Variants in RPH3AL observed in about 807,000 individuals in gnomAD.
RPH3AL encodes the protein rab effector Noc2.
In RPH3AL, 38 loss-of-function variants were observed where a neutral mutation model predicts 43.1. The ratio of observed to expected loss-of-function variants is 0.88; its 90% CI spans 0.68 to 1.15. The LOEUF is 1.15. RPH3AL is among the 50% of genes most tolerant of loss of function. RPH3AL has a pLI of 0.00. For missense variants in RPH3AL, 462 were observed against 423.2 expected (o/e 1.09, Z -0.81); for synonymous variants, 189 against 176.3 (o/e 1.07, Z -0.57).
chr17:224,206 G>A (rs2041056642), intron 7 of RPH3AL, among the ~76,000 whole-genome samples: 1 of 147,560 alleles, frequency 6.8e-6, no homozygotes, highest in South Asian at 2.1e-4. Context: ...GCACAGCCAG[G>A]GGATGCTCCA....
intron 1 of RPH3AL, among the ~76,000 whole-genome samples, chr17:348,239 A>T (rs2045281819): frequency 6.6e-6 from 1 of 152,180 alleles, no homozygotes; most frequent in African/African-American, 2.4e-5. Flanking sequence ...TGGGCGTGGA[A>T]CAGGAAGGAT....
chr17:305,106 GA>G lies in RPH3AL; in HGVS notation c.351+14313del, dbSNP rs1313831813. Among the ~76,000 whole-genome samples, 19 of 64,954 alleles carry G rather than the reference GA, an allele frequency of 2.9e-4. 1 individual carries two copies. The highest frequency in any genetic ancestry group is 7.0e-4 in the African/African-American group (12 of 17,254). 42.6% of individuals were successfully genotyped at this position (64,954 alleles called of 152,430 possible). On this transcript the variant is annotated intron_variant, in intron 5 of 9. Transcript: ENST00000331302. The stretch of plus-strand genomic sequence containing the variant: ...GGACAGGGCGGGAGGGGGACAGGGC[GA>G]GAGGGGACAGGGCGAGAGGGGGACA...
Position 332,138 on chromosome 17 carries a change from G to T in RPH3AL, c.-37+1621C>A, listed in dbSNP as rs185548032. The T allele has an allele frequency of 7.6e-4, 264 of 345,544 alleles. 2 individuals are homozygous for T. Among genetic ancestry groups the T allele is most frequent in the African/African-American group, 5.4e-3 (250 of 46,582 alleles). 21.4% of individuals were successfully genotyped at this position (345,544 alleles called of 1,614,324 possible). On this transcript the variant is annotated intron_variant, in intron 2 of 9. Coordinates refer to ENST00000331302, the MANE Select transcript of RPH3AL (RefSeq NM_006987.4). ...GACAGGGCTGGTGGAGCTCTGCGGG[G>T]AGCAGACACAGGAGGTTCTGTGGAC...
At position 323,525 on chromosome 17, in the gene RPH3AL, G is replaced by C. The variant is rs925984539; in HGVS notation, c.78-2110C>G. 6.6e-6 allele frequency among the ~76,000 whole-genome samples: 1 copy of C among 152,346 alleles called. No individual in the cohort carries two copies. Among genetic ancestry groups the C allele is most frequent in the African/African-American group, 2.4e-5 (1 of 41,580 alleles). On this transcript the variant is annotated intron_variant, in intron 3 of 9. Transcript: ENST00000331302. This position sits in a 1 kb window ranked among gnomAD's most constrained non-coding sequence, Gnocchi z 4.4. ...CATTTCGGAGGCTCCAGGGGTCAGT[G>C]ATGGGCCAGGACACACTTCGTGTGG...
At chr17:292,850 T>A (rs2151624539) in intron 5 of RPH3AL, among the ~76,000 whole-genome samples, 1 of 152,330 alleles carries the variant, frequency 6.6e-6, no homozygotes, top group Non-Finnish European at 1.5e-5. Flanking sequence ...GCCCTGGACC[T>A]TACCCCGACT....
intron 5 of RPH3AL, among the ~76,000 whole-genome samples, chr17:308,848 C>T (rs1382910353): frequency 6.6e-6 from 1 of 152,202 alleles, no homozygotes; most frequent in Non-Finnish European, 1.5e-5. Context: ...CCAGGAGCAG[C>T]TCTCTGTAAA....
At chr17:337,498 C>G (rs907008872) in intron 1 of RPH3AL, among the ~76,000 whole-genome samples, 11 of 152,220 alleles carry the variant, frequency 7.2e-5, no homozygotes, top group African/African-American at 2.7e-4. Context: ...CACACGGGCT[C>G]TCTACGGACC....
rs1358822522 is a variant in RPH3AL at position 216,193 on chromosome 17, G to A, written c.728-391C>T. Among the ~76,000 whole-genome samples, 51 of 101,364 alleles carry A rather than the reference G, an allele frequency of 5.0e-4. No individual in the cohort carries two copies. In the South Asian group the frequency reaches 0.01, roughly 20 times the overall value. 66.5% of individuals were successfully genotyped at this position (101,364 alleles called of 152,430 possible). A position where few individuals can be genotyped will look rare whatever the true frequency, so the allele number is the denominator to read the frequency against. Reference sequence around the variant, plus strand: ...GCCTGACCTCACCCACATGGCTGCCGGGCTCTGGCCTGACCCCACCCACAT... The same window carrying A: ...GCCTGACCTCACCCACATGGCTGCCAGGCTCTGGCCTGACCCCACCCACAT... On this transcript the variant is annotated intron_variant, in intron 8 of 9. Coordinates refer to ENST00000331302, the MANE Select transcript of RPH3AL (RefSeq NM_006987.4).
chr17:293,831 C>G (rs1285376361), intron 5 of RPH3AL, among the ~76,000 whole-genome samples: 1 of 152,126 alleles, frequency 6.6e-6, no homozygotes, highest in African/African-American at 2.4e-5. Flanking sequence ...GAGTTCAACA[C>G]CAACCTGGCC....
At chr17:260,759 C>T (rs1168779763) in intron 6 of RPH3AL, among the ~76,000 whole-genome samples, 2 of 152,014 alleles carry the variant, frequency 1.3e-5, no homozygotes, top group African/African-American at 2.4e-5. Context: ...TAAACAAGTC[C>T]GCAGCAGGCC....
At chr17:255,858 G>A (rs532239557) in intron 6 of RPH3AL, among the ~76,000 whole-genome samples, 6 of 56,286 alleles carry the variant, frequency 1.1e-4, no homozygotes, top group African/African-American at 3.1e-4. Flanking sequence ...GGAGCCGCAC[G>A]GCGTCTGTCC....
At position 322,792 on chromosome 17, in the gene RPH3AL, C is replaced by T. The variant is rs764933248; in HGVS notation, c.78-1377G>A. ...GCAGCTAACGGTTCTCTGTGGCCGA[C>T]ACAATAGGAGTTTGGAAAGCTAATA... On this transcript the variant is annotated intron_variant, in intron 3 of 9. Coordinates refer to ENST00000331302, the MANE Select transcript of RPH3AL (RefSeq NM_006987.4). This position sits in a 1 kb window ranked among gnomAD's most constrained non-coding sequence, Gnocchi z 4.0. Among the ~76,000 whole-genome samples, 69 of 152,078 alleles carry T rather than the reference C, an allele frequency of 4.5e-4. No homozygotes were observed. The highest frequency in any genetic ancestry group is 9.3e-4 in the Non-Finnish European group (63 of 68,026).
At chr17:292,160 G>A (rs936315470) in intron 5 of RPH3AL, among the ~76,000 whole-genome samples, 14 of 152,122 alleles carry the variant, frequency 9.2e-5, no homozygotes, top group Non-Finnish European at 1.6e-4. Flanking sequence ...CCCCCACAGC[G>A]GGTCCCAGAT....
chr17:271,731 T>C (rs1641922223), intron 6 of RPH3AL, among the ~76,000 whole-genome samples: 1 of 152,176 alleles, frequency 6.6e-6, no homozygotes, highest in Admixed American at 6.5e-5. Flanking sequence ...CAATTTGACT[T>C]CCTCTTTTCC....
chr17:329,344 C>T (rs760499275), intron 2 of RPH3AL, among the ~76,000 whole-genome samples: 10 of 152,082 alleles, frequency 6.6e-5, no homozygotes, highest in Non-Finnish European at 1.2e-4. Flanking sequence ...GGTGTGGTGG[C>T]GAGTGCCTGT....
At position 321,405 on chromosome 17, in the gene RPH3AL, C is replaced by A. The variant is rs547011503; in HGVS notation, c.88G>T (p.Gly30Cys). The change falls in exon 4 of 10, where the codon GGC (glycine) becomes TGC (cysteine). Residue 30 changes from glycine (G) to cysteine (C), a missense_variant. By Grantham distance (159) the Gly-to-Cys change is radical (BLOSUM62 -3). Transcript: ENST00000331302. The part of the protein sequence containing the change: ...QLALRAKLQT[G>C]WSVHTYQTEK... ...GTCTGGTAGGTGTGCACGGACCAGCCCGTCTGCAGCCTCGAGAGGGAACAG... is the reference window on the plus strand; with the variant it reads ...GTCTGGTAGGTGTGCACGGACCAGCACGTCTGCAGCCTCGAGAGGGAACAG... 1 of 1,607,226 alleles carries A rather than the reference C, an allele frequency of 6.2e-7. No homozygotes were observed.
intron 7 of RPH3AL, among the ~76,000 whole-genome samples, chr17:228,725 C>T (rs762793783): frequency 5.3e-5 from 8 of 152,192 alleles, no homozygotes; most frequent in East Asian, 1.9e-4. Context: ...TCACCAAGCA[C>T]GCAGGATGCC....
chr17:279,521 G>A (rs532529259), intron 6 of RPH3AL, among the ~76,000 whole-genome samples: 1 of 152,316 alleles, frequency 6.6e-6, no homozygotes, highest in South Asian at 2.1e-4. Context: ...GAGCCCTCTG[G>A]AGATTAAGAC....
intron 7 of RPH3AL, among the ~76,000 whole-genome samples, chr17:226,639 C>T (rs2041113528): frequency 6.6e-6 from 1 of 152,208 alleles, no homozygotes; most frequent in South Asian, 2.1e-4. Flanking sequence ...CACGGTGTCC[C>T]CAAATGTTCC....
Sources: gnomAD v4.1 joint callset for allele counts (sites outside exome capture counted in the v4.1 genomes callset) on GRCh38, gnomAD v4.1.1 for gene constraint, Gnocchi (gnomAD v3.1) non-coding constraint, MANE v1.5 for transcripts, NCBI Gene and HGNC (gene_info 2026-07-23, HGNC 2026-07-21) for gene names.